Variants in RPTOR observed in about 807,000 individuals in gnomAD.
RPTOR encodes regulatory associated protein of MTOR complex 1.
In RPTOR, 21 loss-of-function variants were observed where a neutral mutation model predicts 169.9. That is an observed-to-expected ratio of 0.12 (90% CI 0.09 to 0.18). The LOEUF is 0.18. Ranked by LOEUF, RPTOR falls within the 10% of genes least tolerant of loss-of-function variation. The probability of loss-of-function intolerance (pLI) is 1.00; values close to 1 mark genes in which losing one functional copy is unlikely to be tolerated. For missense variants in RPTOR, 1,133 were observed against 1,855.9 expected, an observed-to-expected ratio of 0.61 and a Z score of 7.16; for synonymous variants, 732 against 753.2, an observed-to-expected ratio of 0.97 and a Z score of 0.46.
At chr17:80,773,920 C>T in intron 6 of RPTOR, 3 of 985,430 alleles carry the variant, frequency 3.0e-6, no homozygotes, top group Non-Finnish European at 3.6e-6. Flanking sequence ...TCCCGGTGGA[C>T]ACGCAGGGCT....
intron 3 of RPTOR, among the ~76,000 whole-genome samples, chr17:80,671,999 GCTT>G (rs2143683369): frequency 6.6e-6 from 1 of 152,202 alleles, no homozygotes; most frequent in Admixed American, 6.5e-5. Context: ...TGAATCTATT[GCTT>G]CTTTTTAAAA....
At chr17:80,785,712 A>C (rs905345672) in intron 6 of RPTOR, among the ~76,000 whole-genome samples, 4 of 152,128 alleles carry the variant, frequency 2.6e-5, no homozygotes, top group African/African-American at 9.7e-5. Context: ...TGAGTTGGGT[A>C]TGACAAGAAT....
At chr17:80,943,739 T>G (rs1342107924) in intron 25 of RPTOR, among the ~76,000 whole-genome samples, 1 of 149,410 alleles carries the variant, frequency 6.7e-6, no homozygotes, top group Admixed American at 6.6e-5. Flanking sequence ...ACACGGTTAG[T>G]AAGAGCCAGT....
chr17:80,952,015 C>T (rs11867833), intron 28 of RPTOR, among the ~76,000 whole-genome samples: 1,889 of 152,306 alleles, frequency 0.012, 45 homozygotes, highest in African/African-American at 0.043. Flanking sequence ...GACGCCGGCT[C>T]GGCACTCACC....
chr17:80,587,095 G>C (rs2065067258), intron 1 of RPTOR, among the ~76,000 whole-genome samples: 1 of 152,260 alleles, frequency 6.6e-6, no homozygotes, highest in African/African-American at 2.4e-5. Flanking sequence ...ACAACACGGG[G>C]CTTGTCGGGT....
rs1015737573 is a variant in RPTOR at position 80,960,689 on chromosome 17, G to A, written c.3605+484G>A. 2.5e-5 allele frequency: 5 copies of A among 198,600 alleles called. No individual in the cohort carries two copies. Among genetic ancestry groups the A allele is most frequent in the Middle Eastern group, 2.1e-3 (1 of 484 alleles). The allele number at this position is 198,600 out of a possible 1,614,324, so 12.3% of individuals were successfully genotyped here. On this transcript the variant is annotated intron_variant, in intron 30 of 33. Transcript: ENST00000306801. The surrounding 1 kb of genome is among the most constrained non-coding windows in gnomAD (Gnocchi z 4.8). ...ACCCCTGTGGGCAGGTGCTGTCCGC[G>A]TCTGGCAGAGGACAGGGTACACGCA... is the stretch of plus-strand genomic sequence containing the variant.
intron 1 of RPTOR, among the ~76,000 whole-genome samples, chr17:80,585,178 AT>A (rs2065048405): frequency 7.8e-6 from 1 of 128,572 alleles, no homozygotes; most frequent in Non-Finnish European, 1.5e-5. Context: ...TATTATTATT[AT>A]TATTATTATT....
chr17:80,641,219 G>A lies in RPTOR; in HGVS notation c.266-2509G>A, dbSNP rs189359864. Among the ~76,000 whole-genome samples, 4 of 152,312 alleles carry A rather than the reference G, an allele frequency of 2.6e-5. No homozygotes were observed. The East Asian group carries it at 7.7e-4, about 29-fold the overall frequency. On this transcript the variant is annotated intron_variant, in intron 2 of 33. Coordinates refer to ENST00000306801, the MANE Select transcript of RPTOR (RefSeq NM_020761.3). Reference sequence around the variant, plus strand: ...GAGAAATGAAGACCAAACATGTAACGTCTGAAGTCACAGATTACGGATTAT... The same window carrying A: ...GAGAAATGAAGACCAAACATGTAACATCTGAAGTCACAGATTACGGATTAT...
intron 1 of RPTOR, among the ~76,000 whole-genome samples, chr17:80,603,365 T>C (rs2065204782): frequency 6.6e-6 from 1 of 152,230 alleles, no homozygotes; most frequent in Non-Finnish European, 1.5e-5. Context: ...TTGTACTAAG[T>C]GCGAACACGC....
At chr17:80,884,706 T>G (rs1268939759) in intron 16 of RPTOR, among the ~76,000 whole-genome samples, 1 of 152,144 alleles carries the variant, frequency 6.6e-6, no homozygotes, top group Non-Finnish European at 1.5e-5. Flanking sequence ...AGCCCCCTCG[T>G]CTAACTCCTG....
chr17:80,965,343 C>T lies in RPTOR; in HGVS notation c.*1013C>T, dbSNP rs17848682. 237 of 233,318 alleles carry T rather than the reference C, an allele frequency of 1.0e-3. 2 individuals are homozygous for T. The East Asian group carries it at 0.014, about 14-fold the overall frequency. 14.5% of individuals were successfully genotyped at this position (233,318 alleles called of 1,614,324 possible). A position where few individuals can be genotyped will look rare whatever the true frequency, so the allele number is the denominator to read the frequency against. On this transcript the variant is annotated 3_prime_UTR_variant, in exon 34 of 34. Transcript: ENST00000306801. ...ACAGGCAAGAGGCACTGCCGGGTCC[C>T]GGACGGCTCCGGGTGACACCAGCCC...
intron 7 of RPTOR, among the ~76,000 whole-genome samples, chr17:80,806,796 T>G (rs2067222845): frequency 6.6e-6 from 1 of 152,266 alleles, no homozygotes; most frequent in South Asian, 2.1e-4. Flanking sequence ...TCTTTTTTCT[T>G]TGATTTTTTC....
intron 24 of RPTOR, among the ~76,000 whole-genome samples, chr17:80,925,939 G>T (rs186467955): frequency 6.6e-6 from 1 of 152,374 alleles, no homozygotes; most frequent in East Asian, 1.9e-4. Context: ...GGACGCAGTG[G>T]CTGTGTTCCT....
At position 80,620,664 on chromosome 17, in the gene RPTOR, G is replaced by A. The variant is rs144975800; in HGVS notation, c.163-5027G>A. The stretch of plus-strand genomic sequence containing the variant: ...GCCTGTAATCCCAGCTACTTGGGAG[G>A]CTGAGGCAGGAGAATCGCTAGAACC... On this transcript the variant is annotated intron_variant, in intron 1 of 33. Coordinates refer to ENST00000306801, the MANE Select transcript of RPTOR (RefSeq NM_020761.3). Among the ~76,000 whole-genome samples the A allele has an allele frequency of 7.9e-5, 12 of 152,352 alleles. No homozygotes were observed. The East Asian group carries it at 2.3e-3, about 29-fold the overall frequency.
intron 22 of RPTOR, among the ~76,000 whole-genome samples, chr17:80,923,037 C>T (rs1033191137): frequency 5.3e-5 from 8 of 152,202 alleles, no homozygotes; most frequent in African/African-American, 1.9e-4. Flanking sequence ...CTCTCCCCAT[C>T]TTGAGGAACC....
chr17:80,876,757 G>GGT (rs2068121237), intron 13 of RPTOR, among the ~76,000 whole-genome samples: 1 of 132,246 alleles, frequency 7.6e-6, no homozygotes, highest in Admixed American at 7.3e-5. Context: ...TGCCACGCAG[G>GGT]GTGTGTGTGT....
At chr17:80,848,029 A>C (rs2067752192) in intron 11 of RPTOR, among the ~76,000 whole-genome samples, 1 of 152,260 alleles carries the variant, frequency 6.6e-6, no homozygotes, top group Non-Finnish European at 1.5e-5. Flanking sequence ...CACCTCGTTC[A>C]GGACTTTGCC....
chr17:80,618,737 CCT>C (rs532837627), intron 1 of RPTOR, among the ~76,000 whole-genome samples: 123 of 152,330 alleles, frequency 8.1e-4, no homozygotes, highest in Non-Finnish European at 1.4e-3. Flanking sequence ...GATTCAAGCA[CCT>C]CTCCCCTCAT....
chr17:80,618,888 G>A (rs1397719402), intron 1 of RPTOR, among the ~76,000 whole-genome samples: 2 of 152,142 alleles, frequency 1.3e-5, no homozygotes, highest in Non-Finnish European at 2.9e-5. Context: ...TGCTTCCTGC[G>A]GGTTTGGTGC....
Sources: allele counts gnomAD v4.1 joint callset (sites outside exome capture counted in the v4.1 genomes callset), GRCh38; gene constraint gnomAD v4.1.1; non-coding constraint Gnocchi (gnomAD v3.1); transcripts MANE v1.5; gene names NCBI Gene and HGNC (gene_info 2026-07-23, HGNC 2026-07-21).